Variants in CFAP52 observed in about 807,000 individuals in gnomAD.
CFAP52 encodes cilia and flagella associated protein 52, also known as cilia- and flagella-associated protein 52.
In CFAP52, 57 loss-of-function variants were observed where a neutral mutation model predicts 70.5. That is an observed-to-expected ratio of 0.81 (90% CI 0.65 to 1.01). CFAP52 has a LOEUF of 1.01. Among genes scored for constraint, CFAP52 ranks in the 50% least tolerant of loss-of-function variants. The probability of loss-of-function intolerance (pLI) is 0.00; values close to 1 mark genes in which losing one functional copy is unlikely to be tolerated. For synonymous variants in CFAP52, 267 were observed against 292.5 expected (o/e 0.91, Z 0.89); for missense variants, 785 against 788.5 (o/e 1.00, Z 0.05).
chr17:9,583,987 C>T (rs11868054), intron 1 of CFAP52, among the ~76,000 whole-genome samples: 3,177 of 152,220 alleles, frequency 0.021, 118 homozygotes, highest in African/African-American at 0.072. Context: ...ACCACCTCAC[C>T]GAGTTGAGTC....
intron 1 of CFAP52, among the ~76,000 whole-genome samples, chr17:9,581,080 G>A (rs1256142410): frequency 6.6e-6 from 1 of 152,208 alleles, no homozygotes; most frequent in Non-Finnish European, 1.5e-5. Context: ...ACTTTGGAAG[G>A]CCCAGGCGGG....
At chr17:9,597,845 GAGAGAA>G (rs1207374423) in intron 4 of CFAP52, among the ~76,000 whole-genome samples, 3 of 151,272 alleles carry the variant, frequency 2.0e-5, no homozygotes, top group Non-Finnish European at 4.4e-5. Flanking sequence ...GAGAAAGAGA[GAGAGAA>G]AGAGAGAGAG....
chr17:9,615,885 C>T (rs1302723420), intron 8 of CFAP52, among the ~76,000 whole-genome samples: 2 of 143,616 alleles, frequency 1.4e-5, no homozygotes, highest in Admixed American at 7.5e-5. Context: ...AGCAATCTTC[C>T]TACCTCGGCC....
Position 9,632,949 on chromosome 17 carries a change from T to C in CFAP52, c.1236T>C (p.Ile412=). 6.2e-7 allele frequency: 1 copy of C among 1,614,216 alleles called. No individual in the cohort carries two copies. The highest frequency in any genetic ancestry group is 1.1e-5 in the South Asian group (1 of 91,082). The change falls in exon 10 of 14, where the codon ATT becomes ATC. Residue 412 remains isoleucine (I), a synonymous_variant. Transcript: ENST00000352665. ...AGACAGGCCGACTGATGTATGTCAT[T>C]AACAATGCTCACAGGATCGGCGTCA... ...APETGRLMYV[I]NNAHRIGVTA...
intron 12 of CFAP52, among the ~76,000 whole-genome samples, chr17:9,639,941 G>A (rs915727254): frequency 1.3e-5 from 2 of 152,174 alleles, no homozygotes; most frequent in African/African-American, 4.8e-5. Context: ...CTACTTCTGT[G>A]GGTGTGAATC....
intron 5 of CFAP52, among the ~76,000 whole-genome samples, chr17:9,599,590 G>A (rs1221193080): frequency 6.6e-6 from 1 of 152,046 alleles, no homozygotes; most frequent in Non-Finnish European, 1.5e-5. Context: ...GCTCCCCTCA[G>A]AGCTGTTCTG....
intron 13 of CFAP52, 97 bp from the exon 14 acceptor site, chr17:9,642,926 A>T: frequency 9.4e-7 from 1 of 1,062,498 alleles, no homozygotes; most frequent in Non-Finnish European, 1.3e-6. Context: ...AGACAGATAC[A>T]TGGGGACCAT....
At chr17:9,591,277 A>G (rs553267406) in intron 3 of CFAP52, among the ~76,000 whole-genome samples, 1 of 152,094 alleles carries the variant, frequency 6.6e-6, no homozygotes, top group African/African-American at 2.4e-5. Context: ...ACCTCAGGTG[A>G]TCCACCCTCC....
chr17:9,585,436 A>C (rs1456145890), intron 1 of CFAP52, among the ~76,000 whole-genome samples: 2 of 152,178 alleles, frequency 1.3e-5, no homozygotes, highest in East Asian at 3.8e-4. Context: ...TGGGAGGCTA[A>C]GGTGGACGGA....
At chr17:9,642,704 T>G (rs1215461945) in intron 13 of CFAP52, among the ~76,000 whole-genome samples, 1 of 152,222 alleles carries the variant, frequency 6.6e-6, no homozygotes, top group Non-Finnish European at 1.5e-5. Context: ...GGTATCAAAC[T>G]AGACACAGTG....
chr17:9,608,091 T>C (rs1307570626), intron 6 of CFAP52, 28 bp from the exon 7 acceptor site: 2 of 1,581,924 alleles, frequency 1.3e-6, no homozygotes, highest in East Asian at 2.3e-5. Flanking sequence ...ATTTTTGTGC[T>C]TTTTCTTAAC....
At position 9,590,773 on chromosome 17, in the gene CFAP52, A is replaced by G. The variant is rs574455166; in HGVS notation, c.408-3420A>G. Among the ~76,000 whole-genome samples the G allele has an allele frequency of 2.0e-5, 3 of 152,304 alleles. No individual in the cohort carries two copies. In the South Asian group the frequency reaches 6.2e-4, roughly 32 times the overall value. On this transcript the variant is annotated intron_variant, in intron 3 of 13. Coordinates refer to ENST00000352665, the MANE Select transcript of CFAP52 (RefSeq NM_145054.5). The stretch of plus-strand genomic sequence containing the variant: ...AAGCTGCCTAAAATTTGTTTGCAGA[A>G]CATTCAAGAATGTTGAAAACCAAAA...
intron 4 of CFAP52, among the ~76,000 whole-genome samples, chr17:9,595,399 G>T (rs1033203250): frequency 1.3e-5 from 2 of 151,986 alleles, no homozygotes; most frequent in Admixed American, 6.6e-5. Context: ...TAATTATGAG[G>T]AACGATTCAT....
chr17:9,636,145 G>C (rs1004986220), intron 11 of CFAP52, among the ~76,000 whole-genome samples: 10 of 148,920 alleles, frequency 6.7e-5, no homozygotes, highest in East Asian at 3.9e-4. Flanking sequence ...CTGCACTCTG[G>C]CCTGGGCAAC....
chr17:9,594,369 T>G (rs1488572181), intron 4 of CFAP52, 48 bp downstream of exon 4: 1 of 1,586,136 alleles, frequency 6.3e-7, no homozygotes, highest in East Asian at 2.3e-5. Flanking sequence ...TTGCTATATT[T>G]TCTTGCACAG....
At position 9,622,417 on chromosome 17, in the gene CFAP52, G is replaced by A. The variant is rs552245995; in HGVS notation, c.1026-6255G>A. On this transcript the variant is annotated intron_variant, in intron 8 of 13. Coordinates refer to ENST00000352665, the MANE Select transcript of CFAP52 (RefSeq NM_145054.5). ...AAAACTAAATAAATAAACTGGACAT[G>A]TTGGTGGCACTGCCTCTAGTCCCAG... 1.4e-4 allele frequency among the ~76,000 whole-genome samples: 22 copies of A among 152,100 alleles called. No individual in the cohort carries two copies. The South Asian group carries it at 4.6e-3, about 32-fold the overall frequency.
At chr17:9,586,615 T>C in intron 2 of CFAP52, 83 bp from the exon 3 acceptor site, 4 of 1,455,066 alleles carry the variant, frequency 2.7e-6, no homozygotes, top group East Asian at 2.5e-5. Flanking sequence ...ACAGTACTAA[T>C]TGTTTTTCAC....
rs529412021 is a variant in CFAP52 at position 9,598,413 on chromosome 17, T to C, written c.636+80T>C. ...GCTGACCAAGGTGTTTGTGTGTGTG[T>C]ACATGGGGCTGGGGATAGGAAAGTG... On this transcript the variant is annotated intron_variant, in intron 5 of 13. Transcript: ENST00000352665. The C allele has an allele frequency of 2.4e-5, 29 of 1,189,810 alleles. No individual in the cohort carries two copies. The African/African-American group carries it at 4.1e-4, about 17-fold the overall frequency. The allele number at this position is 1,189,810 out of a possible 1,614,324, so 73.7% of individuals were successfully genotyped here. A position where few individuals can be genotyped will look rare whatever the true frequency, so the allele number is the denominator to read the frequency against.
At chr17:9,600,352 C>T (rs1401071453) in intron 6 of CFAP52, among the ~76,000 whole-genome samples, 169 bp downstream of exon 6, 1 of 152,074 alleles carries the variant, frequency 6.6e-6, no homozygotes, top group Non-Finnish European at 1.5e-5. Flanking sequence ...AGCGATTGTC[C>T]CACCTCAGCC....
Sources: allele counts gnomAD v4.1 joint callset (sites outside exome capture counted in the v4.1 genomes callset), GRCh38; gene constraint gnomAD v4.1.1; transcripts MANE v1.5; gene names NCBI Gene and HGNC (gene_info 2026-07-23, HGNC 2026-07-21).